Variants in GRAMD1B observed in about 807,000 individuals in gnomAD.
GRAMD1B encodes GRAM domain containing 1B.
A neutral mutation model predicts 99.7 loss-of-function variants in GRAMD1B; 37 were observed. That is an observed-to-expected ratio of 0.37 (90% CI 0.29 to 0.49). The LOEUF (loss-of-function observed/expected upper bound fraction) is 0.49. Ranked by LOEUF, GRAMD1B falls within the 20% of genes least tolerant of loss-of-function variation. The pLI is 0.98. For missense variants in GRAMD1B, 888 were observed against 1,009.2 expected, an observed-to-expected ratio of 0.88 and a Z score of 1.63; for synonymous variants, 427 against 387.6, an observed-to-expected ratio of 1.10 and a Z score of -1.19.
At chr11:123,528,942 T>C (rs1943075614) in intron 2 of GRAMD1B, among the ~76,000 whole-genome samples, 2 of 152,198 alleles carry the variant, frequency 1.3e-5, no homozygotes, top group African/African-American at 4.8e-5. Context: ...GGGGACTAAC[T>C]ACCACGCAAC....
chr11:123,611,575 C>T (rs1953575416), intron 14 of GRAMD1B, among the ~76,000 whole-genome samples: 1 of 152,188 alleles, frequency 6.6e-6, no homozygotes, highest in African/African-American at 2.4e-5. Context: ...TTCCTTCTCT[C>T]TCCCTTCTCT....
At chr11:123,458,739 T>A (rs1360308853) in intron 1 of GRAMD1B, 12 of 150,796 alleles carry the variant, frequency 8.0e-5, no homozygotes, top group Admixed American at 1.3e-4. Context: ...ATGTGAGTAA[T>A]GGGCAAAAAA....
intron 2 of GRAMD1B, among the ~76,000 whole-genome samples, chr11:123,500,739 C>A (rs937460430): frequency 2.0e-4 from 31 of 151,950 alleles, no homozygotes; most frequent in African/African-American, 6.8e-4. Context: ...GTGGCGCGAT[C>A]GCGGCTTACT....
At chr11:123,570,763 A>T (rs1947991282) in intron 2 of GRAMD1B, among the ~76,000 whole-genome samples, 1 of 152,186 alleles carries the variant, frequency 6.6e-6, no homozygotes, top group Non-Finnish European at 1.5e-5. Flanking sequence ...AAAAATATTT[A>T]TGGAGCGTAC....
At chr11:123,504,130 AG>A (rs1170194980) in intron 2 of GRAMD1B, among the ~76,000 whole-genome samples, 1 of 152,176 alleles carries the variant, frequency 6.6e-6, no homozygotes, top group Non-Finnish European at 1.5e-5. Flanking sequence ...GGGCGGTCTC[AG>A]GAATTGCTAG....
At chr11:123,404,844 G>A (rs574244288) in intron 1 of GRAMD1B, among the ~76,000 whole-genome samples, 1 of 152,344 alleles carries the variant, frequency 6.6e-6, no homozygotes, top group Admixed American at 6.5e-5. Context: ...GCTCATGAGA[G>A]GGGCTCAGCT....
intron 9 of GRAMD1B, among the ~76,000 whole-genome samples, 156 bp downstream of exon 9, chr11:123,603,697 C>T (rs926672557): frequency 6.6e-6 from 1 of 152,160 alleles, no homozygotes; most frequent in Non-Finnish European, 1.5e-5. Flanking sequence ...TCAGGGAGCT[C>T]GAGGGGGCAG....
At chr11:123,397,505 A>C (rs2135895126) in intron 1 of GRAMD1B, among the ~76,000 whole-genome samples, 1 of 152,160 alleles carries the variant, frequency 6.6e-6, no homozygotes, top group East Asian at 1.9e-4. Flanking sequence ...AATTTTGCTT[A>C]TTCTAGATTA....
chr11:123,403,146 C>G (rs377720825), intron 1 of GRAMD1B, among the ~76,000 whole-genome samples: 4 of 152,004 alleles, frequency 2.6e-5, no homozygotes, highest in East Asian at 1.9e-4. Flanking sequence ...TTTCCTGGGC[C>G]GGGCACGGAG....
At chr11:123,505,609 C>G (rs1940342171) in intron 2 of GRAMD1B, among the ~76,000 whole-genome samples, 1 of 152,082 alleles carries the variant, frequency 6.6e-6, no homozygotes, top group East Asian at 1.9e-4. Flanking sequence ...TATTATTATC[C>G]CTGTCTTATA....
chr11:123,531,100 GA>G (rs1439476248), intron 2 of GRAMD1B, among the ~76,000 whole-genome samples: 1 of 152,188 alleles, frequency 6.6e-6, no homozygotes, highest in African/African-American at 2.4e-5. Flanking sequence ...ACATTCATTT[GA>G]AACTATTAAA....
rs1270629477 is a variant in GRAMD1B, at chr11:123,627,707, A to AAAG, written c.*5113_*5115dup. On this transcript the variant is annotated 3_prime_UTR_variant, in exon 20 of 20. Coordinates refer to ENST00000635736, the MANE Select transcript of GRAMD1B (RefSeq NM_001387025.1). ...AGGCTGCCCAGCCAAATCTTAATGT[A>AAAG]AAGTAGCTAGAGCCATGGAAGTACA... The AAAG allele has an allele frequency of 6.6e-6, 1 of 152,294 alleles. No individual in the cohort carries two copies. The highest frequency in any genetic ancestry group is 1.5e-5 in the Non-Finnish European group (1 of 68,058). The allele number at this position is 152,294 out of a possible 1,614,324, so 9.4% of individuals were successfully genotyped here.
intron 4 of GRAMD1B, among the ~76,000 whole-genome samples, chr11:123,592,352 G>A (rs1950755712): frequency 6.6e-6 from 1 of 152,208 alleles, no homozygotes; most frequent in Admixed American, 6.5e-5. Flanking sequence ...CACTGAGTCA[G>A]ACTGCCTCAC....
chr11:123,463,712 T>C (rs1041037254), intron 1 of GRAMD1B, among the ~76,000 whole-genome samples: 9 of 152,210 alleles, frequency 5.9e-5, no homozygotes, highest in African/African-American at 2.2e-4. Flanking sequence ...GACAGGCCTC[T>C]GTGTGACACA....
At chr11:123,594,535 C>T (rs1232069387) in intron 5 of GRAMD1B, among the ~76,000 whole-genome samples, 200 bp from the exon 6 acceptor site, 1 of 152,218 alleles carries the variant, frequency 6.6e-6, no homozygotes, top group East Asian at 1.9e-4. Context: ...TAGGCAGTTG[C>T]ACATCACACC....
intron 2 of GRAMD1B, among the ~76,000 whole-genome samples, chr11:123,496,730 A>C (rs1240861124): frequency 6.6e-6 from 1 of 151,696 alleles, no homozygotes; most frequent in Non-Finnish European, 1.5e-5. Context: ...CAGTTCTGCT[A>C]TTAAGAGAGT....
intron 1 of GRAMD1B, among the ~76,000 whole-genome samples, chr11:123,418,733 G>A (rs917272974): frequency 6.6e-6 from 1 of 152,216 alleles, no homozygotes; most frequent in Admixed American, 6.5e-5. Context: ...CTCCAGAAGG[G>A]CATTGTGGCA....
intron 2 of GRAMD1B, among the ~76,000 whole-genome samples, chr11:123,520,225 G>A (rs1942066647): frequency 6.6e-6 from 1 of 152,132 alleles, no homozygotes; most frequent in Non-Finnish European, 1.5e-5. Flanking sequence ...AAGAAACCGT[G>A]GTAACAAGAG....
intron 1 of GRAMD1B, 91 bp downstream of exon 1, chr11:123,431,257 G>C (rs1948873764): frequency 3.3e-6 from 2 of 604,346 alleles, no homozygotes; most frequent in Non-Finnish European, 5.9e-6. Context: ...GAAACGTCCT[G>C]GGGGAGAACA....
Sources: gnomAD v4.1 joint callset for allele counts (sites outside exome capture counted in the v4.1 genomes callset) on GRCh38, gnomAD v4.1.1 for gene constraint, MANE v1.5 for transcripts, NCBI Gene and HGNC (gene_info 2026-07-23, HGNC 2026-07-21) for gene names.